The following SPAG16 variants were observed in gnomAD, a reference collection of about 807,000 sequenced individuals.
SPAG16 encodes sperm associated antigen 16, also known as sperm-associated antigen 16 protein.
In SPAG16, 86 loss-of-function variants were observed where a neutral mutation model predicts 80.4. The ratio of observed to expected loss-of-function variants is 1.07; its 90% confidence interval spans 0.90 to 1.28. The LOEUF is 1.28. SPAG16 is among the 50% of genes most tolerant of loss of function. The probability of loss-of-function intolerance (pLI) is 0.00; values close to 1 mark genes in which losing one functional copy is unlikely to be tolerated. For synonymous variants in SPAG16, 294 were observed against 265.9 expected (o/e 1.11, Z -1.03); for missense variants, 870 against 765.3 (o/e 1.14, Z -1.61).
At chr2:214,211,166 CA>C (rs796599907) in intron 15 of SPAG16, among the ~76,000 whole-genome samples, 19 of 150,302 alleles carry the variant, frequency 1.3e-4, no homozygotes, top group East Asian at 5.8e-4. Flanking sequence ...AGTAAAGAGG[CA>C]AAAAAAAATT....
chr2:213,716,877 C>A (rs1175556339), intron 10 of SPAG16, among the ~76,000 whole-genome samples: 5 of 152,074 alleles, frequency 3.3e-5, no homozygotes, highest in Admixed American at 1.3e-4. Flanking sequence ...AAAAGGGATG[C>A]AGCTCTGCAC....
intron 15 of SPAG16, among the ~76,000 whole-genome samples, chr2:214,355,966 TAAC>T (rs576167906): frequency 4.0e-4 from 52 of 129,932 alleles, no homozygotes; most frequent in African/African-American, 1.5e-3. Context: ...AGGTGGGAAT[TAAC>T]AATGAGAACA....
At chr2:213,513,855 C>G (rs553331642) in intron 10 of SPAG16, among the ~76,000 whole-genome samples, 1 of 152,090 alleles carries the variant, frequency 6.6e-6, no homozygotes, top group African/African-American at 2.4e-5. Flanking sequence ...TACTAACAGG[C>G]CATTTGCAGC....
At chr2:213,715,930 A>G (rs2066221402) in intron 10 of SPAG16, among the ~76,000 whole-genome samples, 1 of 152,046 alleles carries the variant, frequency 6.6e-6, no homozygotes, top group Non-Finnish European at 1.5e-5. Flanking sequence ...GTTAAGTGGG[A>G]AAAAGTTACA....
At chr2:213,688,588 T>A (rs755355882) in intron 10 of SPAG16, among the ~76,000 whole-genome samples, 10 of 152,236 alleles carry the variant, frequency 6.6e-5, no homozygotes, top group Non-Finnish European at 1.3e-4. Flanking sequence ...AAAACCCATC[T>A]AATGAGAATT....
intron 13 of SPAG16, among the ~76,000 whole-genome samples, chr2:214,088,270 A>G (rs911351477): frequency 6.6e-6 from 1 of 152,090 alleles, no homozygotes; most frequent in African/African-American, 2.4e-5. Context: ...CATCACCGAG[A>G]TGAATGGTAT....
chr2:213,592,648 C>T (rs1330236947), intron 10 of SPAG16, among the ~76,000 whole-genome samples: 1 of 152,196 alleles, frequency 6.6e-6, no homozygotes, highest in East Asian at 1.9e-4. Context: ...AGTCTCTCTT[C>T]ACAGGAACAT....
chr2:214,244,561 A>T (rs937876056), intron 15 of SPAG16, among the ~76,000 whole-genome samples: 17 of 152,222 alleles, frequency 1.1e-4, no homozygotes, highest in Admixed American at 9.2e-4. Context: ...AAAATCATAC[A>T]TTAAAATACT....
chr2:213,993,093 T>A (rs74378099), intron 12 of SPAG16, among the ~76,000 whole-genome samples: 1,812 of 152,304 alleles, frequency 0.012, 81 homozygotes, highest in East Asian at 0.069. Flanking sequence ...GCTGTTTCAC[T>A]GTCTCATTGA....
At chr2:214,192,527 T>TTAGC (rs1370911750) in intron 15 of SPAG16, among the ~76,000 whole-genome samples, 1 of 152,130 alleles carries the variant, frequency 6.6e-6, no homozygotes, top group African/African-American at 2.4e-5. Flanking sequence ...TTAGCTGTGT[T>TTAGC]TAGCTATGCT....
chr2:214,278,872 A>G (rs1249371686), intron 15 of SPAG16, among the ~76,000 whole-genome samples: 1 of 152,202 alleles, frequency 6.6e-6, no homozygotes, highest in Non-Finnish European at 1.5e-5. Context: ...GAATAATGAA[A>G]AACTACATTT....
chr2:214,250,992 CT>C (rs1220892373), intron 15 of SPAG16, among the ~76,000 whole-genome samples: 1 of 151,192 alleles, frequency 6.6e-6, no homozygotes, highest in Admixed American at 6.6e-5. Context: ...ATTAAAAAGT[CT>C]TTTTTTCTAT....
At chr2:213,346,388 G>A (rs533503923) in intron 6 of SPAG16, among the ~76,000 whole-genome samples, 1 of 152,264 alleles carries the variant, frequency 6.6e-6, no homozygotes, top group South Asian at 2.1e-4. Flanking sequence ...TCTCCTGCCT[G>A]ATTGCCCTGG....
At chr2:214,281,767 A>G (rs1201441523) in intron 15 of SPAG16, among the ~76,000 whole-genome samples, 1 of 152,268 alleles carries the variant, frequency 6.6e-6, no homozygotes. Flanking sequence ...TATATTCAAT[A>G]GTCAAAAACT....
chr2:213,410,687 G>A (rs1300875665), intron 9 of SPAG16, among the ~76,000 whole-genome samples: 1 of 152,204 alleles, frequency 6.6e-6, no homozygotes, highest in African/African-American at 2.4e-5. Flanking sequence ...TAGTTGGAAT[G>A]GATCAAATAT....
At chr2:214,298,195 G>A (rs76203629) in intron 15 of SPAG16, among the ~76,000 whole-genome samples, 2 of 149,292 alleles carry the variant, frequency 1.3e-5, no homozygotes, top group Admixed American at 6.7e-5. Flanking sequence ...TATTTGCATG[G>A]CAATTTTAAA....
intron 15 of SPAG16, among the ~76,000 whole-genome samples, chr2:214,300,906 T>TA (rs1411298535): frequency 2.0e-5 from 3 of 151,220 alleles, no homozygotes; most frequent in Non-Finnish European, 3.0e-5. Flanking sequence ...CTAACTCATT[T>TA]AAAAAAAATT....
At chr2:213,485,061 C>G (rs1477558216) in intron 9 of SPAG16, among the ~76,000 whole-genome samples, 1 of 151,138 alleles carries the variant, frequency 6.6e-6, no homozygotes, top group Non-Finnish European at 1.5e-5. Context: ...GTGGCACAAT[C>G]CTGGCTCACT....
intron 9 of SPAG16, among the ~76,000 whole-genome samples, chr2:213,419,515 G>A (rs55987430): frequency 0.017 from 2,657 of 152,072 alleles, 45 homozygotes; most frequent in Middle Eastern, 0.031. Context: ...TGTAGTACTC[G>A]TGTAGCACTT....
Sources: gnomAD v4.1 joint callset for allele counts (sites outside exome capture counted in the v4.1 genomes callset) on GRCh38, gnomAD v4.1.1 for gene constraint, MANE v1.5 for transcripts, NCBI Gene and HGNC (gene_info 2026-07-23, HGNC 2026-07-21) for gene names.